The following NSUN2 variants were observed in gnomAD, a reference collection of about 807,000 sequenced individuals.
NSUN2 encodes the protein RNA cytosine C(5)-methyltransferase NSUN2.
NSUN2 carries 63 observed loss-of-function variants against 92.7 expected under a neutral mutation model. That is an observed-to-expected ratio of 0.68 (90% CI 0.56 to 0.84). The LOEUF is 0.84. NSUN2 is among the 40% of genes least tolerant of loss of function. The pLI, the probability that NSUN2 is intolerant of heterozygous loss-of-function variation, is 0.00. For missense variants in NSUN2, 989 were observed against 964.9 expected (o/e 1.02, Z -0.33); for synonymous variants, 356 against 348.3 (o/e 1.02, Z -0.25).
In NSUN2 at chr5:6,600,151, A is replaced by G. The variant is rs1437336532; in HGVS notation, c.2079T>C (p.Asn693=). The G allele has an allele frequency of 2.5e-6, 4 of 1,614,214 alleles. No homozygotes were observed. The East Asian group carries it at 6.7e-5, about 27-fold the overall frequency. Residue 693 remains asparagine (N), a synonymous_variant, in exon 19 of 19, where the codon AAT becomes AAC. Coordinates refer to ENST00000264670, the MANE Select transcript of NSUN2 (RefSeq NM_017755.6). The stretch of plus-strand genomic sequence containing the variant: ...TCATCCTGAGATAATGAAGCCGTTC[A>G]TTCTTGGGCACAAAAGTTCGAATGG... ...KASIRTFVPK[N]ERLHYLRMMG...
chr5:6,624,796 G>A (rs1205166150), intron 4 of NSUN2, among the ~76,000 whole-genome samples: 5 of 136,420 alleles, frequency 3.7e-5, no homozygotes, highest in African/African-American at 1.4e-4. Flanking sequence ...AGATTTACTA[G>A]AAGGTAGTAG....
Position 6,632,774 on chromosome 5 carries a change from C to T in NSUN2, c.97-18G>A. 6.2e-7 allele frequency: 1 copy of T among 1,610,104 alleles called. No individual in the cohort carries two copies. The highest frequency in any genetic ancestry group is 8.5e-7 in the Non-Finnish European group (1 of 1,177,976). On this transcript the variant is annotated intron_variant, in intron 1 of 18. Coordinates refer to ENST00000264670, the MANE Select transcript of NSUN2 (RefSeq NM_017755.6). ...TCCCAGCCCTGAGGAAGGAAAGAGACGTCTACCCCGAGGCCCAAGGAGCCG... is the reference window on the plus strand; with the variant it reads ...TCCCAGCCCTGAGGAAGGAAAGAGATGTCTACCCCGAGGCCCAAGGAGCCG...
At chr5:6,603,841 T>C (rs1298121988) in intron 17 of NSUN2, 3 of 288,346 alleles carry the variant, frequency 1.0e-5, no homozygotes, top group Non-Finnish European at 1.9e-5. Context: ...CCGGACTCTC[T>C]GGCCCAGCAA....
intron 2 of NSUN2, 111 bp from the exon 3 acceptor site, chr5:6,632,088 G>A: frequency 1.2e-6 from 1 of 801,314 alleles, no homozygotes; most frequent in South Asian, 1.7e-5. Context: ...ACTTTTGCAT[G>A]GAGAGTAAAC....
chr5:6,623,038 A>G (rs1737513851), intron 5 of NSUN2, among the ~76,000 whole-genome samples, 176 bp downstream of exon 5: 1 of 143,816 alleles, frequency 7.0e-6, no homozygotes, highest in Non-Finnish European at 1.5e-5. Flanking sequence ...TAAGTAGGAC[A>G]AAAAAGAAAA....
intron 10 of NSUN2, 117 bp downstream of exon 10, chr5:6,611,608 G>A: frequency 1.3e-6 from 1 of 745,540 alleles, no homozygotes; most frequent in Non-Finnish European, 2.3e-6. Context: ...ATTCTAATTG[G>A]CATAACCAGA....
rs1737389903 is a variant in NSUN2, at chr5:6,620,440, C to T, written c.623-142G>A. The T allele has an allele frequency of 2.3e-5, 13 of 575,270 alleles. No individual in the cohort carries two copies. The South Asian group carries it at 4.4e-4, about 19-fold the overall frequency. The allele number at this position is 575,270 out of a possible 1,614,324, so 35.6% of individuals were successfully genotyped here. A position where few individuals can be genotyped will look rare whatever the true frequency, so the allele number is the denominator to read the frequency against. On this transcript the variant is annotated intron_variant, in intron 6 of 18. Coordinates refer to ENST00000264670, the MANE Select transcript of NSUN2 (RefSeq NM_017755.6). Reference sequence around the variant, plus strand: ...CCACAGTCAAGGTTTTCCAGAATTACGTTAAGTGGTTCAAAAAAAGGAACC... The same window carrying T: ...CCACAGTCAAGGTTTTCCAGAATTATGTTAAGTGGTTCAAAAAAAGGAACC...
intron 3 of NSUN2, among the ~76,000 whole-genome samples, chr5:6,630,903 C>T (rs1248691742): frequency 6.6e-6 from 1 of 152,112 alleles, no homozygotes; most frequent in Non-Finnish European, 1.5e-5. Flanking sequence ...ACCATCCTGG[C>T]TAGCAAGGTA....
At position 6,632,747 on chromosome 5, in the gene NSUN2, CT is replaced by C. The variant is rs1737983552; in HGVS notation, c.105del (p.Gly36GlufsTer43). On this transcript the variant is annotated frameshift_variant, in exon 2 of 19. Transcript: ENST00000264670. LOFTEE classifies it high-confidence loss of function. ...TCCTTGACGATCTCGGGGTAGCCTC[CT>C]TCCCAGCCCTGAGGAAGGAAAGAGA... The part of the protein sequence containing the change: ...GGGKRGEAGW[E>X]GGYPEIVKEN... 6.2e-7 allele frequency: 1 copy of C among 1,613,750 alleles called. No individual in the cohort carries two copies. The highest frequency in any genetic ancestry group is 8.5e-7 in the Non-Finnish European group (1 of 1,179,804).
At chr5:6,603,895 G>T in intron 17 of NSUN2, 1 of 432,354 alleles carries the variant, frequency 2.3e-6, no homozygotes, top group East Asian at 4.8e-5. Context: ...ACACACCACA[G>T]GCTGCTGGGC....
rs529928201 is a variant in NSUN2, at chr5:6,621,564, T to C, written c.622+452A>G. 2.4e-3 allele frequency: 369 copies of C among 153,286 alleles called. 5 individuals are homozygous for C. Among genetic ancestry groups the C allele is most frequent in the Middle Eastern group, 0.017 (5 of 294 alleles). The allele number at this position is 153,286 out of a possible 1,614,324, so 9.5% of individuals were successfully genotyped here. ...GAGATCGAGACCATCCTGGCTAACA[T>C]GGTGAAACCCCGTCTCTACTAAAAA... is the stretch of plus-strand genomic sequence containing the variant. On this transcript the variant is annotated intron_variant, in intron 6 of 18. Transcript: ENST00000264670.
At position 6,609,669 on chromosome 5, in the gene NSUN2, A is replaced by G. The variant is rs569298883; in HGVS notation, c.1323+157T>C. On this transcript the variant is annotated intron_variant, in intron 12 of 18. Transcript: ENST00000264670. ...AAATTTCTGCTTTTTGGAAAACTTG[A>G]TATTTAAATGAAATTCCCCCTCATT... is the stretch of plus-strand genomic sequence containing the variant. 5.3e-5 allele frequency among the ~76,000 whole-genome samples: 8 copies of G among 152,334 alleles called. No homozygotes were observed. The South Asian group carries it at 1.2e-3, about 24-fold the overall frequency.
Position 6,605,358 on chromosome 5 carries a change from C to T in NSUN2, c.1652G>A (p.Arg551Gln), listed in dbSNP as rs773400155. The change falls in exon 15 of 19, where the codon CGG becomes CAG. Residue 551 changes from arginine (R) to glutamine (Q), a missense_variant. Physicochemically the swap from Arg to Gln is conservative, Grantham distance 43. Transcript: ENST00000264670. ...CTGCCTTTTCTTCCCTTCTGTAGTC[C>T]GAGTTAACAAATTCATCCTTGGGAA... is the stretch of plus-strand genomic sequence containing the variant. ...PSFPRMNLLT[R>Q]TTEGKKRQLY... 9 of 1,613,974 alleles carry T rather than the reference C, an allele frequency of 5.6e-6. No individual in the cohort carries two copies. Among genetic ancestry groups the T allele is most frequent in the African/African-American group, 4.0e-5 (3 of 74,888 alleles).
At chr5:6,605,812 C>A (rs1271402516) in intron 14 of NSUN2, among the ~76,000 whole-genome samples, 1 of 151,862 alleles carries the variant, frequency 6.6e-6, no homozygotes, top group African/African-American at 2.4e-5. Flanking sequence ...GTTCTCCTGC[C>A]TCAGCCTGAG....
In NSUN2 at chr5:6,623,238, G is replaced by T; in HGVS notation, c.513C>A (p.Leu171=). Residue 171 remains leucine, a synonymous_variant, in exon 5 of 19, where the codon CTC becomes CTA. Transcript: ENST00000264670. ...CCTTATGATGAGGCCGCACGTTGAG[G>T]AGCAGTGGTGGGATCATGCTAACAG... The part of the protein sequence containing the change: ...QEAVSMIPPL[L]LNVRPHHKIL... 1 of 1,606,446 alleles carries T rather than the reference G, an allele frequency of 6.2e-7. No individual in the cohort carries two copies.
At chr5:6,625,076 T>C (rs1008570284) in intron 4 of NSUN2, among the ~76,000 whole-genome samples, 9 of 151,404 alleles carry the variant, frequency 5.9e-5, no homozygotes, top group African/African-American at 2.2e-4. Flanking sequence ...AGGTGTTTTG[T>C]GGTTACCAAG....
At chr5:6,612,527 C>G (rs1737042758) in intron 9 of NSUN2, among the ~76,000 whole-genome samples, 1 of 152,162 alleles carries the variant, frequency 6.6e-6, no homozygotes, top group African/African-American at 2.4e-5. Flanking sequence ...TTACAGGAAA[C>G]CAGTGAGACC....
intron 6 of NSUN2, 57 bp downstream of exon 6, chr5:6,621,959 G>T: frequency 7.0e-7 from 1 of 1,433,790 alleles, no homozygotes; most frequent in Non-Finnish European, 9.8e-7. Flanking sequence ...TCTTTTCCTT[G>T]TCTACAATCT....
At position 6,604,624 on chromosome 5, in the gene NSUN2, GCA is replaced by G. The variant is rs1394056446; in HGVS notation, c.1797_1798del (p.Ala600PhefsTer16). On this transcript the variant is annotated frameshift_variant, in exon 16 of 19. Coordinates refer to ENST00000264670, the MANE Select transcript of NSUN2 (RefSeq NM_017755.6). LOFTEE classifies it high-confidence loss of function. Reference sequence around the variant, plus strand: ...AATTACCTCCTGTGCCAGCCGGAAAGCACAGTCAAACTCTTCACCGCTGTTAT... The same window carrying G: ...AATTACCTCCTGTGCCAGCCGGAAAGCAGTCAAACTCTTCACCGCTGTTAT... 2 of 1,614,076 alleles carry G rather than the reference GCA, an allele frequency of 1.2e-6. No individual in the cohort carries two copies. The highest frequency in any genetic ancestry group is 1.7e-6 in the Non-Finnish European group (2 of 1,179,958).
Sources: allele counts gnomAD v4.1 joint callset (sites outside exome capture counted in the v4.1 genomes callset), GRCh38; gene constraint gnomAD v4.1.1; transcripts MANE v1.5; gene names NCBI Gene and HGNC (gene_info 2026-07-23, HGNC 2026-07-21).